The following LARS2 variants were observed in gnomAD, a reference collection of about 807,000 sequenced individuals.
LARS2 encodes the protein leucyl-tRNA synthetase 2, mitochondrial, also known as leucine--tRNA ligase, mitochondrial.
In LARS2, 81 loss-of-function variants were observed where a neutral mutation model predicts 116.6. That is an observed-to-expected ratio of 0.69 (90% CI 0.58 to 0.84). LARS2 has a LOEUF of 0.84. Among genes scored for constraint, LARS2 ranks in the 40% least tolerant of loss-of-function variants. The pLI, the probability that LARS2 is intolerant of heterozygous loss-of-function variation, is 0.00. For synonymous variants in LARS2, 396 were observed against 407.2 expected (o/e 0.97, Z 0.33); for missense variants, 968 against 1,114.5 (o/e 0.87, Z 1.87).
At chr3:45,392,377 C>G (rs954502255) in intron 2 of LARS2, among the ~76,000 whole-genome samples, 4 of 151,372 alleles carry the variant, frequency 2.6e-5, no homozygotes, top group African/African-American at 9.7e-5. Context: ...TCACTGCAAC[C>G]TCTGCCTCCC....
At chr3:45,488,237 A>G (rs1699849616) in intron 11 of LARS2, among the ~76,000 whole-genome samples, 2 of 152,316 alleles carry the variant, frequency 1.3e-5, no homozygotes, top group South Asian at 4.1e-4. Context: ...GTTTGAGACC[A>G]GTCTGGTCAA....
chr3:45,431,688 G>T (rs1174258902), intron 6 of LARS2, among the ~76,000 whole-genome samples: 52 of 145,586 alleles, frequency 3.6e-4, no homozygotes, highest in African/African-American at 1.3e-3. Context: ...AATGAGAAGG[G>T]AATCACATTT....
At chr3:45,430,388 C>T (rs1473161798) in intron 6 of LARS2, among the ~76,000 whole-genome samples, 2 of 150,732 alleles carry the variant, frequency 1.3e-5, no homozygotes, top group Non-Finnish European at 2.9e-5. Context: ...ACGCCATTCT[C>T]CTGCCTCAGC....
At chr3:45,540,968 G>A (rs1436499357) in intron 20 of LARS2, among the ~76,000 whole-genome samples, 1 of 151,790 alleles carries the variant, frequency 6.6e-6, no homozygotes, top group East Asian at 1.9e-4. Flanking sequence ...TTTTTTAAGA[G>A]ATGGGGTCTC....
chr3:45,416,576 G>A (rs1441696817), intron 4 of LARS2, among the ~76,000 whole-genome samples: 2 of 152,228 alleles, frequency 1.3e-5, no homozygotes, highest in African/African-American at 2.4e-5. Flanking sequence ...GCACTGTCCA[G>A]TGCGGCTTTC....
chr3:45,401,247 A>G (rs962332741), intron 4 of LARS2, among the ~76,000 whole-genome samples: 3 of 152,162 alleles, frequency 2.0e-5, no homozygotes, highest in African/African-American at 7.2e-5. Flanking sequence ...CATGCCTGTA[A>G]TTCCAGTGCT....
intron 11 of LARS2, among the ~76,000 whole-genome samples, chr3:45,487,536 A>G (rs1699836798): frequency 6.6e-6 from 1 of 152,202 alleles, no homozygotes; most frequent in African/African-American, 2.4e-5. Flanking sequence ...TGTATCCATG[A>G]GTATGTCAGC....
chr3:45,496,774 G>A (rs1243339552), intron 14 of LARS2, among the ~76,000 whole-genome samples: 1 of 152,208 alleles, frequency 6.6e-6, no homozygotes, highest in Non-Finnish European at 1.5e-5. Flanking sequence ...CACCAGAGTG[G>A]GTCCACAGAT....
chr3:45,503,853 A>G (rs946806820), intron 15 of LARS2, among the ~76,000 whole-genome samples: 1 of 152,106 alleles, frequency 6.6e-6, no homozygotes, highest in African/African-American at 2.4e-5. Context: ...AACTACACAG[A>G]AAGTGAACAT....
In LARS2 at chr3:45,476,510, G is replaced by A; in HGVS notation, c.901G>A (p.Ala301Thr). ...GGGCGAAAAGCTGACTGCCTATACG[G>A]CCACCCCTGAAGCCATTTATGGCAC... is the stretch of plus-strand genomic sequence containing the variant. ...ATGEKLTAYTATPEAIYGTSH... is the reference protein window; with the variant it reads ...ATGEKLTAYTTTPEAIYGTSH... The change falls in exon 10 of 22, where the codon GCC becomes ACC. Residue 301 changes from alanine (A) to threonine (T), a missense_variant. Transcript: ENST00000645846. The A allele has an allele frequency of 6.2e-7, 1 of 1,614,184 alleles. No homozygotes were observed. Among genetic ancestry groups the A allele is most frequent in the Non-Finnish European group, 8.5e-7 (1 of 1,180,014 alleles).
intron 4 of LARS2, among the ~76,000 whole-genome samples, chr3:45,408,906 T>C (rs1212741155): frequency 6.6e-6 from 1 of 152,252 alleles, no homozygotes; most frequent in East Asian, 1.9e-4. Flanking sequence ...TTCCAAGTTA[T>C]AGCTACTGGT....
At chr3:45,483,503 G>A (rs985648253) in intron 10 of LARS2, among the ~76,000 whole-genome samples, 1 of 152,034 alleles carries the variant, frequency 6.6e-6, no homozygotes, top group Non-Finnish European at 1.5e-5. Flanking sequence ...ACAAAAATTA[G>A]TTGGGTGTGG....
chr3:45,403,112 CAAAAAAAAA>C (rs1160287597), intron 4 of LARS2, among the ~76,000 whole-genome samples: 6 of 85,408 alleles, frequency 7.0e-5, no homozygotes, highest in Non-Finnish European at 1.2e-4. Flanking sequence ...TCTCCAAAGA[CAAAAAAAAA>C]AAAAAAAAAA....
At chr3:45,417,073 C>CAAAAAAAA (rs1172623065) in intron 4 of LARS2, among the ~76,000 whole-genome samples, 2 of 67,692 alleles carry the variant, frequency 3.0e-5, no homozygotes, top group Non-Finnish European at 3.5e-5. Context: ...GACTCTGTCT[C>CAAAAAAAA]AAAAAAAAAA....
At chr3:45,484,630 A>AAAAAAAAAAAATATAT (rs1553634443) in intron 10 of LARS2, among the ~76,000 whole-genome samples, 1 of 9,746 alleles carries the variant, frequency 1.0e-4, no homozygotes, top group African/African-American at 1.8e-4. Flanking sequence ...AAAAAAAAAA[A>AAAAAAAAAAAATATAT]ATATATATAT....
At chr3:45,531,918 T>C (rs1017941151) in intron 20 of LARS2, among the ~76,000 whole-genome samples, 1 of 152,232 alleles carries the variant, frequency 6.6e-6, no homozygotes, top group Admixed American at 6.5e-5. Context: ...ACAGTAGATC[T>C]CCAGAACTTA....
Position 45,547,713 on chromosome 3 carries a change from A to C in LARS2, c.*183A>C. 1.8e-6 allele frequency: 1 copy of C among 559,302 alleles called. No homozygotes were observed. Among genetic ancestry groups the C allele is most frequent in the Admixed American group, 3.6e-5 (1 of 28,144 alleles). The allele number at this position is 559,302 out of a possible 1,614,324, so 34.6% of individuals were successfully genotyped here. A position where few individuals can be genotyped will look rare whatever the true frequency, so the allele number is the denominator to read the frequency against. The stretch of plus-strand genomic sequence containing the variant: ...TGTAGTGTGGCCTGGTGCTGGGGTG[A>C]AGGTGAGCTGGGCAAAGGAGAAATA... On this transcript the variant is annotated 3_prime_UTR_variant, in exon 22 of 22. Coordinates refer to ENST00000645846, the MANE Select transcript of LARS2 (RefSeq NM_015340.4).
At position 45,403,027 on chromosome 3, in the gene LARS2, C is replaced by T. The variant is rs376020816; in HGVS notation, c.363+2654C>T. Among the ~76,000 whole-genome samples, 12 of 150,290 alleles carry T rather than the reference C, an allele frequency of 8.0e-5. No individual in the cohort carries two copies. The East Asian group carries it at 1.4e-3, about 18-fold the overall frequency. ...GGCTGAGGCAGGAGAATTGCTTGAA[C>T]CCGGGAGGCAGAGGTTGCAGTGAGC... On this transcript the variant is annotated intron_variant, in intron 4 of 21. Coordinates refer to ENST00000645846, the MANE Select transcript of LARS2 (RefSeq NM_015340.4).
intron 11 of LARS2, 64 bp downstream of exon 11, chr3:45,485,860 C>G: frequency 2.1e-6 from 2 of 934,356 alleles, no homozygotes; most frequent in South Asian, 3.1e-5. Context: ...AAAATACTCC[C>G]CTGTTGCTGT....
Sources: allele counts gnomAD v4.1 joint callset (sites outside exome capture counted in the v4.1 genomes callset), GRCh38; gene constraint gnomAD v4.1.1; transcripts MANE v1.5; gene names NCBI Gene and HGNC (gene_info 2026-07-23, HGNC 2026-07-21).